The following EPHA5 variants were observed in gnomAD, a reference collection of about 807,000 sequenced individuals.
EPHA5 encodes the protein EPH receptor A5, also known as ephrin type-A receptor 5.
Under a neutral mutation model 105.0 loss-of-function variants are expected in EPHA5, and 60 were observed. That is an observed-to-expected ratio of 0.57 (90% confidence interval 0.46 to 0.71). The LOEUF (loss-of-function observed/expected upper bound fraction) is 0.71, where lower values mean the gene tolerates loss of function less well. Among genes scored for constraint, EPHA5 ranks in the 30% least tolerant of loss-of-function variants. EPHA5 has a pLI of 0.00. For missense variants in EPHA5, 1,218 were observed against 1,274.7 expected (o/e 0.96, Z 0.68); for synonymous variants, 513 against 449.1 (o/e 1.14, Z -1.80).
rs144618482 is a variant in EPHA5, at chr4:65,377,855, A to T, written c.1794-10431T>A. On this transcript the variant is annotated intron_variant, in intron 8 of 16. Transcript: ENST00000613740. ...GCAGAATAAAAGACATAAGTTATTT[A>T]GTGCTTCAATGCATTCAATTCTATG... Among the ~76,000 whole-genome samples, 599 of 152,088 alleles carry T rather than the reference A, an allele frequency of 3.9e-3. 8 individuals carry two copies. Among genetic ancestry groups the T allele is most frequent in the African/African-American group, 0.013 (558 of 41,544 alleles).
intron 14 of EPHA5, among the ~76,000 whole-genome samples, chr4:65,347,099 G>T (rs1722291870): frequency 6.6e-6 from 1 of 152,136 alleles, no homozygotes; most frequent in African/African-American, 2.4e-5. Context: ...CAGCTGGAGA[G>T]CTATATAGTA....
intron 3 of EPHA5, among the ~76,000 whole-genome samples, chr4:65,590,425 G>A (rs1178095951): frequency 6.6e-6 from 1 of 152,084 alleles, no homozygotes; most frequent in East Asian, 1.9e-4. Flanking sequence ...TTCATGTAAT[G>A]AAAACCAGTT....
intron 3 of EPHA5, among the ~76,000 whole-genome samples, chr4:65,551,280 GTA>G (rs35570226): frequency 0.019 from 2,628 of 140,772 alleles, 61 homozygotes; most frequent in African/African-American, 0.052. Context: ...GTGTGTGTGT[GTA>G]TATATATATA....
intron 7 of EPHA5, among the ~76,000 whole-genome samples, chr4:65,411,343 T>C (rs1722890479): frequency 6.6e-6 from 1 of 152,052 alleles, no homozygotes; most frequent in Non-Finnish European, 1.5e-5. Context: ...CATAACATTT[T>C]AACTTTTTGT....
intron 3 of EPHA5, among the ~76,000 whole-genome samples, chr4:65,500,385 G>A (rs6840093): frequency 0.5 from 75,015 of 150,626 alleles, 19,281 homozygotes; most frequent in East Asian, 0.62. Context: ...TTGAAGGCTC[G>A]TTTTTTAAAT....
chr4:65,666,351 T>G (rs1749963848), intron 1 of EPHA5, among the ~76,000 whole-genome samples: 1 of 152,178 alleles, frequency 6.6e-6, no homozygotes, highest in African/African-American at 2.4e-5. Flanking sequence ...TCATTTTCAA[T>G]GCAGGGCTGT....
chr4:65,574,226 A>G (rs1030641328), intron 3 of EPHA5: 47 of 1,602,748 alleles, frequency 2.9e-5, no homozygotes, highest in Admixed American at 1.0e-4. Flanking sequence ...CTGTGGACTC[A>G]CAAATTTTAT....
At chr4:65,574,173 G>A in intron 3 of EPHA5, 1 of 1,606,260 alleles carries the variant, frequency 6.2e-7, no homozygotes, top group Non-Finnish European at 8.5e-7. Context: ...CACAGAAAAA[G>A]GGAAATATGA....
chr4:65,516,887 G>C (rs1734158043), intron 3 of EPHA5, among the ~76,000 whole-genome samples: 2 of 151,970 alleles, frequency 1.3e-5, no homozygotes, highest in Non-Finnish European at 2.9e-5. Flanking sequence ...AATTTATTGA[G>C]ACTAACCAGA....
At chr4:65,551,682 A>AT (rs1389920827) in intron 3 of EPHA5, among the ~76,000 whole-genome samples, 1 of 152,024 alleles carries the variant, frequency 6.6e-6, no homozygotes, top group African/African-American at 2.4e-5. Context: ...TTATTGTAAC[A>AT]TTTTTATTGC....
intron 2 of EPHA5, among the ~76,000 whole-genome samples, chr4:65,605,710 C>G (rs1426707887): frequency 2.6e-5 from 4 of 151,182 alleles, no homozygotes; most frequent in African/African-American, 9.7e-5. Flanking sequence ...TTGGAGTAGA[C>G]ATCTGAAAAA....
chr4:65,488,548 G>C (rs1731097511), intron 5 of EPHA5, among the ~76,000 whole-genome samples: 1 of 152,144 alleles, frequency 6.6e-6, no homozygotes, highest in Non-Finnish European at 1.5e-5. Flanking sequence ...ACACATGCTA[G>C]CATTGCCTAC....
At position 65,364,133 on chromosome 4, in the gene EPHA5, C is replaced by T. The variant is rs370086766; in HGVS notation, c.2173+884G>A. Among the ~76,000 whole-genome samples, 65 of 151,640 alleles carry T rather than the reference C, an allele frequency of 4.3e-4. 1 individual carries two copies. The highest frequency in any genetic ancestry group is 1.5e-3 in the African/African-American group (63 of 41,462). ...ATATACTCAACTGGAGGAAGAAACA[C>T]ATCTAAGATTTGAAGAAACCCACGT... On this transcript the variant is annotated intron_variant, in intron 11 of 16. Transcript: ENST00000613740.
In EPHA5 at chr4:65,336,010, A is replaced by G. The variant is rs780877087; in HGVS notation, c.2711T>C (p.Phe904Ser). 17 of 1,613,218 alleles carry G rather than the reference A, an allele frequency of 1.1e-5. No homozygotes were observed. The highest frequency in any genetic ancestry group is 8.9e-5 in the East Asian group (4 of 44,834). ...WQKERNSRPK[F>S]DEIVNMLDKL... The stretch of plus-strand genomic sequence containing the variant: ...GTCCAACATGTTGACTATTTCATCA[A>G]ACTTGGGCCTGCTATTTCGCTCTTT... The change falls in exon 15 of 17, where the codon TTT (phenylalanine) becomes TCT (serine). Residue 904 changes from phenylalanine (F) to serine (S), a missense_variant. By Grantham distance (155) the Phe-to-Ser change is radical (BLOSUM62 -2). This residue lies in a region of EPHA5 where 971 missense variants were observed against 1,013.5 expected (regional missense o/e 0.96). Transcript: ENST00000613740.
intron 8 of EPHA5, among the ~76,000 whole-genome samples, chr4:65,374,443 A>G (rs1408639117): frequency 1.3e-5 from 2 of 151,972 alleles, no homozygotes; most frequent in African/African-American, 4.8e-5. Flanking sequence ...TAAATGGCAC[A>G]CCATGTATTT....
chr4:65,394,619 G>A (rs897067098), intron 8 of EPHA5, among the ~76,000 whole-genome samples: 2 of 152,066 alleles, frequency 1.3e-5, no homozygotes, highest in African/African-American at 4.8e-5. Context: ...GAAGCTATAA[G>A]GTTCTCTGTG....
At chr4:65,426,318 T>G (rs1724436802) in intron 5 of EPHA5, among the ~76,000 whole-genome samples, 2 of 152,204 alleles carry the variant, frequency 1.3e-5, no homozygotes, top group South Asian at 4.1e-4. Flanking sequence ...TTGCATTTCT[T>G]TTAGTTTAGA....
chr4:65,332,403 T>A lies in EPHA5; in HGVS notation c.2790-275A>T, dbSNP rs183796183. 1.4e-4 allele frequency among the ~76,000 whole-genome samples: 21 copies of A among 151,914 alleles called. 1 individual carries two copies. In the East Asian group the frequency reaches 3.7e-3, roughly 27 times the overall value. The stretch of plus-strand genomic sequence containing the variant: ...TGTAAAACAAAACAATAGCTAAAAA[T>A]TTTATTGAGTACTAATAGATGAACA... On this transcript the variant is annotated intron_variant, in intron 15 of 16. Coordinates refer to ENST00000613740, the MANE Select transcript of EPHA5 (RefSeq NM_001281766.3).
intron 11 of EPHA5, among the ~76,000 whole-genome samples, chr4:65,355,897 T>G (rs1405101467): frequency 6.6e-6 from 1 of 151,572 alleles, no homozygotes; most frequent in Admixed American, 6.6e-5. Flanking sequence ...GAGGACTAGA[T>G]TTTCTGGAAT....
Sources: allele counts gnomAD v4.1 joint callset (sites outside exome capture counted in the v4.1 genomes callset), GRCh38; gene constraint gnomAD v4.1.1; regional missense constraint gnomAD v4.1.1; transcripts MANE v1.5; gene names NCBI Gene and HGNC (gene_info 2026-07-23, HGNC 2026-07-21).